The following ZNF577 variants were observed in gnomAD, a reference collection of about 807,000 sequenced individuals.
ZNF577 encodes the protein zinc finger protein 577.
A neutral mutation model predicts 13.9 loss-of-function variants in ZNF577; 14 were observed. That is an observed-to-expected ratio of 1.00 (90% CI 0.66 to 1.57). ZNF577 has a LOEUF of 1.57. Among genes scored for constraint, ZNF577 ranks in the 40% most tolerant of loss-of-function variants. The pLI, the probability that ZNF577 is intolerant of heterozygous loss-of-function variation, is 0.00. For missense variants in ZNF577, 555 were observed against 579.2 expected (o/e 0.96, Z 0.43); for synonymous variants, 203 against 202.9 (o/e 1.00, Z 0.00).
At chr19:51,851,060 A>G (rs1167774460) in intron 5 of ZNF577, among the ~76,000 whole-genome samples, 1 of 152,236 alleles carries the variant, frequency 6.6e-6, no homozygotes. Context: ...ACTCAAATTC[A>G]TATAAGATTT....
Position 51,872,974 on chromosome 19 carries a change from G to A in ZNF577, c.1016C>T (p.Ser339Leu), listed in dbSNP as rs780587862. 3.7e-6 allele frequency: 6 copies of A among 1,614,116 alleles called. No individual in the cohort carries two copies. The highest frequency in any genetic ancestry group is 1.7e-4 in the Middle Eastern group (1 of 6,060). The change falls in exon 6 of 6, where the codon TCG becomes TTG. Residue 339 changes from serine (S) to leucine (L), a missense_variant. Coordinates refer to ENST00000638348, the MANE Select transcript of ZNF577 (RefSeq NM_001370449.1). ...AGTACGCTGATGCTGAATGAGCTTC[G>A]ACTTGCTTCTAAAGGCTTTTTCACA... ...SECEKAFRSK[S>L]KLIQHQRTHT...
chr19:51,876,480 G>A (rs953012255), intron 5 of ZNF577, among the ~76,000 whole-genome samples: 1 of 151,938 alleles, frequency 6.6e-6, no homozygotes, highest in African/African-American at 2.4e-5. Flanking sequence ...AGCTGGAAAG[G>A]CGGGGAGCAG....
At chr19:51,848,814 A>G (rs1213216611) in intron 5 of ZNF577, among the ~76,000 whole-genome samples, 4 of 152,098 alleles carry the variant, frequency 2.6e-5, no homozygotes, top group Non-Finnish European at 5.9e-5. Flanking sequence ...CTCTTCCCCA[A>G]TTTGCTAATA....
rs1196617397 is a variant in ZNF577 at position 51,824,321 on chromosome 19, G to A, written c.*600-12647C>T. The A allele has an allele frequency of 3.1e-6, 5 of 1,614,128 alleles. No homozygotes were observed. Among genetic ancestry groups the A allele is most frequent in the Non-Finnish European group, 4.2e-6 (5 of 1,179,996 alleles). On this transcript the variant is annotated intron_variant and NMD_transcript_variant, in intron 9 of 10. Coordinates refer to the ZNF577 transcript ENST00000638827. This position sits in a 1 kb window ranked among gnomAD's most constrained non-coding sequence, Gnocchi z 4.7. ...GGGGTGACACTGCTGTAGAGAGGTT[G>A]AACGTGTTCATTACCATGGCCAAGG... is the stretch of plus-strand genomic sequence containing the variant.
At chr19:51,878,670 C>T in intron 3 of ZNF577, 155 bp from the exon 4 acceptor site, 2 of 873,008 alleles carry the variant, frequency 2.3e-6, no homozygotes, top group Non-Finnish European at 3.4e-6. Flanking sequence ...ACCAATTCTG[C>T]CTACCCTAAA....
intron 9 of ZNF577, among the ~76,000 whole-genome samples, chr19:51,820,152 A>G (rs1450159203): frequency 6.6e-6 from 1 of 152,216 alleles, no homozygotes; most frequent in African/African-American, 2.4e-5. Context: ...TTGAGGAGAA[A>G]GCAGAAGGGC....
chr19:51,859,436 T>G (rs1300718339), intron 5 of ZNF577, among the ~76,000 whole-genome samples: 6 of 152,164 alleles, frequency 3.9e-5, no homozygotes, highest in Admixed American at 3.9e-4. Flanking sequence ...AATGGCATAT[T>G]ATCATAACAA....
intron 5 of ZNF577, among the ~76,000 whole-genome samples, chr19:51,876,913 C>T (rs1033833988): frequency 4.2e-5 from 6 of 142,974 alleles, no homozygotes; most frequent in Non-Finnish European, 6.0e-5. Context: ...AGCCACAGTG[C>T]GAGACTCCGT....
chr19:51,867,649 G>A lies in ZNF577; in HGVS notation c.*4883C>T, dbSNP rs2084586615. On this transcript the variant is annotated 3_prime_UTR_variant, in exon 6 of 6. Coordinates refer to ENST00000638348, the MANE Select transcript of ZNF577 (RefSeq NM_001370449.1). ...AAAAAAAAAAAATTAGCCGGGTGTGGTGGCAGGCACCTGTAATCCCAGCTA... is the reference window on the plus strand; with the variant it reads ...AAAAAAAAAAAATTAGCCGGGTGTGATGGCAGGCACCTGTAATCCCAGCTA... Among the ~76,000 whole-genome samples, 1 of 151,854 alleles carries A rather than the reference G, an allele frequency of 6.6e-6. No homozygotes were observed. The highest frequency in any genetic ancestry group is 1.5e-5 in the Non-Finnish European group (1 of 67,952).
chr19:51,873,681 A>T lies in ZNF577; in HGVS notation c.309T>A (p.Tyr103Ter). ...CPGFVIQSRR[Y>*]AGKDSDAFGG... ...CAAATGCATCAGAATCTTTTCCTGC[A>T]TATCTTCTACTCTGGATTACAAAAC... is the stretch of plus-strand genomic sequence containing the variant. Residue 103 changes from tyrosine (Y) to a stop codon, truncating the protein, a stop_gained, in exon 6 of 6, where the codon TAT becomes TAA. Coordinates refer to ENST00000638348, the MANE Select transcript of ZNF577 (RefSeq NM_001370449.1). LOFTEE classifies it low-confidence loss of function (END_TRUNC). 6.2e-7 allele frequency: 1 copy of T among 1,612,744 alleles called. No individual in the cohort carries two copies. Among genetic ancestry groups the T allele is most frequent in the South Asian group, 1.1e-5 (1 of 90,902 alleles).
At chr19:51,837,615 A>G (rs1467827254) in intron 9 of ZNF577, among the ~76,000 whole-genome samples, 1 of 152,192 alleles carries the variant, frequency 6.6e-6, no homozygotes, top group African/African-American at 2.4e-5. Context: ...GACACAAAAA[A>G]CTATCTCTTA....
chr19:51,865,960 C>T (rs1223976367), downstream of ZNF577, among the ~76,000 whole-genome samples: 1 of 151,890 alleles, frequency 6.6e-6, no homozygotes, highest in African/African-American at 2.4e-5. Context: ...ACTAAAAATA[C>T]AAAACTTAGC....
chr19:51,810,004 G>T (rs529348915), intron 10 of ZNF577, among the ~76,000 whole-genome samples: 2 of 152,106 alleles, frequency 1.3e-5, no homozygotes, highest in Non-Finnish European at 2.9e-5. Flanking sequence ...CCTCTGTTAC[G>T]CAAGGACAAA....
In ZNF577 at chr19:51,872,699, G is replaced by A. The variant is rs45526832; in HGVS notation, c.1291C>T (p.Arg431Cys). Reference protein sequence around the residue: ...GTPPLLNKSERLVGRNVVIVE... With the variant: ...GTPPLLNKSECLVGRNVVIVE... Reference sequence around the variant, plus strand: ...ATCACTACATTTCTGCCCACTAGGCGCTCACTCTTGTTTAACAATGGCGGG... The same window carrying A: ...ATCACTACATTTCTGCCCACTAGGCACTCACTCTTGTTTAACAATGGCGGG... Residue 431 changes from arginine to cysteine, a missense_variant, in exon 6 of 6, where the codon CGC (arginine) becomes TGC (cysteine). Physicochemically the swap from Arg to Cys is radical, Grantham distance 180. Transcript: ENST00000638348. The A allele has an allele frequency of 2.9e-5, 47 of 1,614,146 alleles. No homozygotes were observed. The Middle Eastern group carries it at 4.9e-4, about 17-fold the overall frequency.
At chr19:51,880,501 C>T (rs1204619133) in intron 2 of ZNF577, 100 bp from the exon 3 acceptor site, 7 of 969,496 alleles carry the variant, frequency 7.2e-6, no homozygotes, top group Middle Eastern at 2.1e-4. Flanking sequence ...CACAAACCCC[C>T]TGATCCATAT....
At position 51,872,770 on chromosome 19, in the gene ZNF577, T is replaced by C. The variant is rs756597218; in HGVS notation, c.1220A>G (p.Gln407Arg). 3.1e-6 allele frequency: 5 copies of C among 1,614,128 alleles called. No individual in the cohort carries two copies. The East Asian group carries it at 8.9e-5, about 29-fold the overall frequency. The change falls in exon 6 of 6, where the codon CAA (glutamine) becomes CGA (arginine). Residue 407 changes from glutamine (Q) to arginine (R), a missense_variant. Transcript: ENST00000638348. ...SLYMSELIQE[Q>R]KTVNTVPIEM... ...TATAGGTACTGTGTTCACAGTCTTT[T>C]GCTCTTGTATGAGTTCGCTCATGTA... is the stretch of plus-strand genomic sequence containing the variant.
In ZNF577 at chr19:51,824,898, T is replaced by TACA; in HGVS notation, c.*600-13225_*600-13224insTGT. The TACA allele has an allele frequency of 1.0e-6, 1 of 984,910 alleles. No individual in the cohort carries two copies. Among genetic ancestry groups the TACA allele is most frequent in the Non-Finnish European group, 1.5e-6 (1 of 669,978 alleles). The allele number at this position is 984,910 out of a possible 1,614,324, so 61.0% of individuals were successfully genotyped here. A position where few individuals can be genotyped will look rare whatever the true frequency, so the allele number is the denominator to read the frequency against. On this transcript the variant is annotated intron_variant and NMD_transcript_variant, in intron 9 of 10. Transcript: ENST00000638827. This position sits in a 1 kb window ranked among gnomAD's most constrained non-coding sequence, Gnocchi z 4.7. Reference sequence around the variant, plus strand: ...TGACAGTGTTTTTCTTCCTCTTTCATACCACCACCACCACAATCATCAACA... The same window carrying TACA: ...TGACAGTGTTTTTCTTCCTCTTTCATACAACCACCACCACCACAATCATCAACA...
chr19:51,872,349 C>T lies in ZNF577; in HGVS notation c.*183G>A, dbSNP rs927821178. On this transcript the variant is annotated 3_prime_UTR_variant, in exon 6 of 6. Coordinates refer to ENST00000638348, the MANE Select transcript of ZNF577 (RefSeq NM_001370449.1). Reference sequence around the variant, plus strand: ...AGATATCATCTCCAGGTAAAGACTTCCTCATAACAGCTGCATTTCTACCCA... The same window carrying T: ...AGATATCATCTCCAGGTAAAGACTTTCTCATAACAGCTGCATTTCTACCCA... 7.4e-6 allele frequency: 4 copies of T among 541,500 alleles called. No individual in the cohort carries two copies. Among genetic ancestry groups the T allele is most frequent in the Non-Finnish European group, 1.3e-5 (4 of 310,726 alleles). 33.5% of individuals were successfully genotyped at this position (541,500 alleles called of 1,614,324 possible).
chr19:51,835,547 T>C (rs1389665905), intron 9 of ZNF577, among the ~76,000 whole-genome samples: 7 of 152,210 alleles, frequency 4.6e-5, no homozygotes, highest in Admixed American at 3.9e-4. Flanking sequence ...AGTTTACTTT[T>C]AAATACATCT....
Sources: gnomAD v4.1 joint callset for allele counts (sites outside exome capture counted in the v4.1 genomes callset) on GRCh38, gnomAD v4.1.1 for gene constraint, Gnocchi (gnomAD v3.1) non-coding constraint, MANE v1.5 for transcripts, NCBI Gene and HGNC (gene_info 2026-07-23, HGNC 2026-07-21) for gene names.